The following NRIP1 variants were observed in gnomAD, a reference collection of about 807,000 sequenced individuals.
NRIP1 encodes nuclear receptor-interacting protein 1.
In NRIP1, 28 loss-of-function variants were observed where a neutral mutation model predicts 75.0. The observed-to-expected ratio is 0.37, with a 90% confidence interval of 0.28 to 0.51. NRIP1 has a LOEUF of 0.51. NRIP1 is among the 20% of genes least tolerant of loss of function. The probability of loss-of-function intolerance (pLI) is 0.92; values close to 1 mark genes in which losing one functional copy is unlikely to be tolerated. For missense variants in NRIP1, 1,435 were observed against 1,343.7 expected (o/e 1.07, Z -1.06); for synonymous variants, 526 against 487.6 (o/e 1.08, Z -1.04).
chr21:15,020,539 C>A (rs1290295243), intron 2 of NRIP1, among the ~76,000 whole-genome samples: 1 of 151,748 alleles, frequency 6.6e-6, no homozygotes, highest in Non-Finnish European at 1.5e-5. Flanking sequence ...CAGAAATATT[C>A]CTTAAATAAG....
intron 1 of NRIP1, among the ~76,000 whole-genome samples, chr21:15,044,115 G>A (rs567781244): frequency 3.9e-5 from 6 of 152,118 alleles, no homozygotes; most frequent in South Asian, 4.1e-4. Context: ...CAGCACACCC[G>A]GCCCACTACT....
At chr21:15,059,747 T>C (rs13052454) in intron 1 of NRIP1, among the ~76,000 whole-genome samples, 27,431 of 152,090 alleles carry the variant, frequency 0.18, 3,258 homozygotes, top group African/African-American at 0.33. Context: ...TTAAGAAATC[T>C]TAATACTAAG....
chr21:15,024,740 T>C (rs950509575), intron 2 of NRIP1, among the ~76,000 whole-genome samples: 2 of 152,080 alleles, frequency 1.3e-5, no homozygotes, highest in Non-Finnish European at 2.9e-5. Flanking sequence ...TATGGGGAAT[T>C]CGAGCCCAAG....
At chr21:15,012,218 C>T (rs1341862092) in intron 3 of NRIP1, among the ~76,000 whole-genome samples, 1 of 152,134 alleles carries the variant, frequency 6.6e-6, no homozygotes, top group Non-Finnish European at 1.5e-5. Context: ...ATTGAAAAGA[C>T]ATTCTATACT....
chr21:15,021,846 C>T (rs572351648), intron 2 of NRIP1, among the ~76,000 whole-genome samples: 1 of 152,202 alleles, frequency 6.6e-6, no homozygotes, highest in Admixed American at 6.5e-5. Context: ...ATGAGATAAC[C>T]ATCTCATGCC....
At position 15,029,029 on chromosome 21, in the gene NRIP1, T is replaced by C. The variant is rs555977013; in HGVS notation, c.-458+14466A>G. 5.9e-5 allele frequency among the ~76,000 whole-genome samples: 9 copies of C among 152,148 alleles called. No homozygotes were observed. The South Asian group carries it at 1.9e-3, about 32-fold the overall frequency. ...CCTCTCACACCCACATACAATCTTT[T>C]AGCAAATTCTGCAGGCTTTACCTTG... is the stretch of plus-strand genomic sequence containing the variant. On this transcript the variant is annotated intron_variant, in intron 2 of 3. Transcript: ENST00000318948.
At position 15,040,161 on chromosome 21, in the gene NRIP1, G is replaced by A. The variant is rs929993912; in HGVS notation, c.-458+3334C>T. On this transcript the variant is annotated intron_variant, in intron 2 of 3. Transcript: ENST00000318948. ...CTAGTCAGAATTCAGAGAGCTGTGC[G>A]TCAAAACACACACCAGCTTTCAAAA... 4.6e-5 allele frequency among the ~76,000 whole-genome samples: 7 copies of A among 151,994 alleles called. No individual in the cohort carries two copies. In the South Asian group the frequency reaches 6.2e-4, roughly 13 times the overall value.
At chr21:15,064,658 A>G (rs897701488) in intron 1 of NRIP1, 87 bp downstream of exon 1, 2 of 150,556 alleles carry the variant, frequency 1.3e-5, no homozygotes, top group Non-Finnish European at 3.0e-5. Flanking sequence ...CAGCCAAGCG[A>G]GAGCCGACGC....
chr21:15,006,744 G>A (rs1360559808), intron 3 of NRIP1, among the ~76,000 whole-genome samples: 1 of 152,200 alleles, frequency 6.6e-6, no homozygotes, highest in Non-Finnish European at 1.5e-5. Flanking sequence ...GAACAGGACA[G>A]GAAAAGGACA....
At chr21:15,026,378 C>T (rs2088521415) in intron 2 of NRIP1, among the ~76,000 whole-genome samples, 1 of 152,126 alleles carries the variant, frequency 6.6e-6, no homozygotes, top group African/African-American at 2.4e-5. Flanking sequence ...GTTAAAAAGT[C>T]TGACAATTCT....
chr21:15,060,372 T>C (rs1192058233), intron 1 of NRIP1, among the ~76,000 whole-genome samples: 3 of 152,136 alleles, frequency 2.0e-5, no homozygotes, highest in African/African-American at 4.8e-5. Flanking sequence ...CAGGAGTTTC[T>C]GTGGTCTCTA....
chr21:14,977,721 G>A (rs1165746630), intron 3 of NRIP1, among the ~76,000 whole-genome samples: 1 of 152,074 alleles, frequency 6.6e-6, no homozygotes, highest in African/African-American at 2.4e-5. Flanking sequence ...TGAAAAAAAT[G>A]AATCAAAATT....
At chr21:14,998,085 TG>T (rs1270582378) in intron 3 of NRIP1, among the ~76,000 whole-genome samples, 11 of 152,192 alleles carry the variant, frequency 7.2e-5, no homozygotes, top group African/African-American at 2.4e-4. Flanking sequence ...AGTATCTCTG[TG>T]TTTGGTCAAT....
At chr21:15,056,046 A>C (rs934645553) in intron 1 of NRIP1, among the ~76,000 whole-genome samples, 3 of 152,186 alleles carry the variant, frequency 2.0e-5, no homozygotes, top group Non-Finnish European at 4.4e-5. Flanking sequence ...CATAAGCACT[A>C]AATGGTAGCA....
At position 14,968,055 on chromosome 21, in the gene NRIP1, T is replaced by C; in HGVS notation, c.138A>G (p.Glu46=). ...AVDKKSAGHN[E]EDQNFNISGS... is the part of the protein sequence containing the mutation. ...CAGAAATGTTAAAGTTCTGATCCTCTTCATTATGCCCAGCAGACTTTTTGT... is the reference window on the plus strand; with the variant it reads ...CAGAAATGTTAAAGTTCTGATCCTCCTCATTATGCCCAGCAGACTTTTTGT... Residue 46 remains glutamate (E), a synonymous_variant, in exon 4 of 4, where the codon GAA becomes GAG. Coordinates refer to ENST00000318948, the MANE Select transcript of NRIP1 (RefSeq NM_003489.4). 6.2e-7 allele frequency: 1 copy of C among 1,614,120 alleles called. No individual in the cohort carries two copies. The highest frequency in any genetic ancestry group is 8.5e-7 in the Non-Finnish European group (1 of 1,180,024).
intron 1 of NRIP1, among the ~76,000 whole-genome samples, chr21:15,049,810 C>T (rs950995661): frequency 2.0e-5 from 3 of 152,052 alleles, no homozygotes; most frequent in African/African-American, 7.2e-5. Flanking sequence ...TTCATTTTCT[C>T]TCCCTATAGA....
intron 2 of NRIP1, among the ~76,000 whole-genome samples, chr21:15,039,530 A>G (rs2088908179): frequency 6.6e-6 from 1 of 152,140 alleles, no homozygotes; most frequent in African/African-American, 2.4e-5. Context: ...CCCATTTGGC[A>G]AAAATAAACA....
In NRIP1 at chr21:14,961,593, G is replaced by T. The variant is rs577371456; in HGVS notation, c.*3123C>A. The T allele has an allele frequency of 6.6e-6, 1 of 152,426 alleles. No homozygotes were observed. Among genetic ancestry groups the T allele is most frequent in the Admixed American group, 6.6e-5 (1 of 15,250 alleles). The allele number at this position is 152,426 out of a possible 1,614,324, so 9.4% of individuals were successfully genotyped here. A position where few individuals can be genotyped will look rare whatever the true frequency, so the allele number is the denominator to read the frequency against. On this transcript the variant is annotated 3_prime_UTR_variant, in exon 4 of 4. Coordinates refer to ENST00000318948, the MANE Select transcript of NRIP1 (RefSeq NM_003489.4). ...TTAAAAAAATTCTTTAAGACCCTTC[G>T]AATCAAAGCACATTCTTTCACAAAG...
intron 2 of NRIP1, among the ~76,000 whole-genome samples, chr21:15,026,602 T>A (rs924896275): frequency 6.6e-6 from 1 of 152,176 alleles, no homozygotes; most frequent in African/African-American, 2.4e-5. Flanking sequence ...ATAATAGTCA[T>A]ACATATGTGT....
Sources: gnomAD v4.1 joint callset for allele counts (sites outside exome capture counted in the v4.1 genomes callset) on GRCh38, gnomAD v4.1.1 for gene constraint, MANE v1.5 for transcripts, NCBI Gene and HGNC (gene_info 2026-07-23, HGNC 2026-07-21) for gene names.